MAP4K5: variants seen among roughly 807,000 people sequenced by gnomAD.
The protein encoded by MAP4K5 is MAPK/ERK kinase kinase kinase 5.
Under a neutral mutation model 135.6 loss-of-function variants are expected in MAP4K5, and 82 were observed. The observed-to-expected ratio is 0.60, with a 90% CI of 0.51 to 0.73. The LOEUF (loss-of-function observed/expected upper bound fraction) is 0.73. MAP4K5 is among the 30% of genes least tolerant of loss of function. The probability of loss-of-function intolerance (pLI) is 0.00; values close to 1 mark genes in which losing one functional copy is unlikely to be tolerated. For synonymous variants in MAP4K5, 347 were observed against 335.0 expected (o/e 1.04, Z -0.39); for missense variants, 907 against 1,010.9 (o/e 0.90, Z 1.39).
intron 1 of MAP4K5, among the ~76,000 whole-genome samples, chr14:50,550,706 G>A (rs1021830160): frequency 2.6e-5 from 4 of 152,128 alleles, no homozygotes; most frequent in Non-Finnish European, 5.9e-5. Flanking sequence ...TATCTTCTCA[G>A]ACCACAGTGA....
At chr14:50,448,593 A>G (rs1170194142) in intron 15 of MAP4K5, among the ~76,000 whole-genome samples, 181 bp downstream of exon 15, 2 of 152,094 alleles carry the variant, frequency 1.3e-5, no homozygotes, top group Non-Finnish European at 2.9e-5. Flanking sequence ...AGTGTATTAC[A>G]TCGTACTCTA....
chr14:50,430,804 T>C (rs2035951922), intron 28 of MAP4K5, among the ~76,000 whole-genome samples: 1 of 152,170 alleles, frequency 6.6e-6, no homozygotes, highest in Non-Finnish European at 1.5e-5. Flanking sequence ...GTGACCAAAA[T>C]TAGGAAAAGT....
intron 28 of MAP4K5, among the ~76,000 whole-genome samples, chr14:50,431,216 T>C (rs1434226131): frequency 1.3e-5 from 2 of 152,164 alleles, no homozygotes; most frequent in Non-Finnish European, 2.9e-5. Context: ...TTTAAGTACT[T>C]TGCTTATTTT....
chr14:50,452,672 T>C (rs2036516893), intron 14 of MAP4K5, among the ~76,000 whole-genome samples: 1 of 152,162 alleles, frequency 6.6e-6, no homozygotes, highest in African/African-American at 2.4e-5. Flanking sequence ...GTGCTGTTAA[T>C]AACTAATGCA....
Position 50,462,773 on chromosome 14 carries a change from A to C in MAP4K5, c.828T>G (p.Phe276Leu). ...PTAERLLTHT[F>L]VAQPGLSRAL... is the part of the protein sequence containing the mutation. ...CTCTAGAGAGACCTGGCTGTGCAAC[A>C]AAAGTGTGCTAAAAGACAACAAAAT... Residue 276 changes from phenylalanine to leucine, a missense_variant, in exon 13 of 33, where the codon TTT becomes TTG. This residue lies in a region of MAP4K5 where 690 missense variants were observed against 777.4 expected (regional missense o/e 0.89). Transcript: ENST00000682126. 1 of 1,603,798 alleles carries C rather than the reference A, an allele frequency of 6.2e-7. No individual in the cohort carries two copies. Among genetic ancestry groups the C allele is most frequent in the South Asian group, 1.1e-5 (1 of 90,412 alleles).
chr14:50,500,817 G>A (rs1178256809), intron 3 of MAP4K5, among the ~76,000 whole-genome samples: 1 of 152,144 alleles, frequency 6.6e-6, no homozygotes, highest in Non-Finnish European at 1.5e-5. Context: ...GAGAGAAATC[G>A]AGGTTAATGC....
chr14:50,476,674 C>A (rs1183858466), intron 6 of MAP4K5, among the ~76,000 whole-genome samples: 1 of 152,140 alleles, frequency 6.6e-6, no homozygotes, highest in Non-Finnish European at 1.5e-5. Flanking sequence ...GTTGGCCAGA[C>A]TGGTCTTGAA....
intron 3 of MAP4K5, among the ~76,000 whole-genome samples, chr14:50,495,315 A>G (rs1300532258): frequency 6.6e-6 from 1 of 152,236 alleles, no homozygotes; most frequent in Non-Finnish European, 1.5e-5. Context: ...ATAAGCACAT[A>G]AAAACATGCT....
intron 2 of MAP4K5, among the ~76,000 whole-genome samples, chr14:50,524,537 T>A (rs954793158): frequency 2.0e-5 from 3 of 151,784 alleles, no homozygotes; most frequent in Non-Finnish European, 4.4e-5. Flanking sequence ...ATGAGTATCA[T>A]GATAAAAAAT....
At chr14:50,482,086 A>ACT (rs2037255390) in intron 6 of MAP4K5, among the ~76,000 whole-genome samples, 1 of 152,218 alleles carries the variant, frequency 6.6e-6, no homozygotes. Flanking sequence ...TCACATGACC[A>ACT]TGGTGTGCAT....
chr14:50,535,001 A>C (rs999900508), upstream of MAP4K5, among the ~76,000 whole-genome samples: 2 of 152,208 alleles, frequency 1.3e-5, no homozygotes, highest in African/African-American at 4.8e-5. Flanking sequence ...TTTCTTACAA[A>C]CCACCCAGTT....
chr14:50,532,242 C>T (rs930596857), intron 1 of MAP4K5, 84 bp from the exon 2 acceptor site: 6 of 547,674 alleles, frequency 1.1e-5, no homozygotes, highest in East Asian at 3.3e-5. Flanking sequence ...GGCCCCTTCC[C>T]TTCCGTCCCG....
At position 50,554,929 on chromosome 14, in the gene MAP4K5, C is replaced by T. The variant is rs139420273; in HGVS notation, c.-180+6111G>A. ...CCAACACATGGAAGATGGTAGAGTG[C>T]ACCTTTGTCTTTTTGGCAAAGTCTT... On this transcript the variant is annotated intron_variant, in intron 1 of 8. Transcript: ENST00000555216. Among the ~76,000 whole-genome samples, 1,086 of 152,290 alleles carry T rather than the reference C, an allele frequency of 7.1e-3. 12 individuals are homozygous for T. Among genetic ancestry groups the T allele is most frequent in the African/African-American group, 0.025 (1,052 of 41,544 alleles).
At chr14:50,531,635 G>A (rs1488148370) in intron 2 of MAP4K5, among the ~76,000 whole-genome samples, 3 of 152,104 alleles carry the variant, frequency 2.0e-5, no homozygotes, top group African/African-American at 7.2e-5. Context: ...GCATCCTTCG[G>A]TGTAATTCCA....
At chr14:50,431,826 A>C (rs576911600) in intron 28 of MAP4K5, among the ~76,000 whole-genome samples, 1 of 152,316 alleles carries the variant, frequency 6.6e-6, no homozygotes, top group African/African-American at 2.4e-5. Context: ...AGGAATCGCC[A>C]CACTGACTTC....
intron 3 of MAP4K5, among the ~76,000 whole-genome samples, chr14:50,499,692 A>T (rs551776896): frequency 1.3e-5 from 2 of 152,226 alleles, no homozygotes; most frequent in East Asian, 3.9e-4. Flanking sequence ...GGAAGACTTT[A>T]AAAATTCATT....
At chr14:50,489,941 G>A (rs1013104579) in intron 3 of MAP4K5, among the ~76,000 whole-genome samples, 1 of 152,154 alleles carries the variant, frequency 6.6e-6, no homozygotes. Flanking sequence ...AAATACTAGA[G>A]ACCGAAAGTA....
At chr14:50,432,981 A>G (rs1211208158) in intron 28 of MAP4K5, among the ~76,000 whole-genome samples, 1 of 151,948 alleles carries the variant, frequency 6.6e-6, no homozygotes, top group Non-Finnish European at 1.5e-5. Flanking sequence ...GGGATTACAG[A>G]CATGCACCAC....
At chr14:50,538,561 C>T (rs556267467) in intron 2 of MAP4K5, among the ~76,000 whole-genome samples, 10 of 152,320 alleles carry the variant, frequency 6.6e-5, no homozygotes, top group South Asian at 2.1e-4. Flanking sequence ...GGTTTCCTCA[C>T]GCAATAACAG....
Sources: allele counts gnomAD v4.1 joint callset (sites outside exome capture counted in the v4.1 genomes callset), GRCh38; gene constraint gnomAD v4.1.1; regional missense constraint gnomAD v4.1.1; transcripts MANE v1.5; gene names NCBI Gene and HGNC (gene_info 2026-07-23, HGNC 2026-07-21).